ZMIZ1: variants seen among roughly 807,000 people sequenced by gnomAD.
The protein encoded by ZMIZ1 is zinc finger MIZ-type containing 1.
Under a neutral mutation model 113.9 loss-of-function variants are expected in ZMIZ1, and 17 were observed. The ratio of observed to expected loss-of-function variants is 0.15; its 90% CI spans 0.10 to 0.22. ZMIZ1 has a LOEUF of 0.22. ZMIZ1 is among the 10% of genes least tolerant of loss of function. The pLI, the probability that ZMIZ1 is intolerant of heterozygous loss-of-function variation, is 1.00. For synonymous variants in ZMIZ1, 607 were observed against 603.1 expected (o/e 1.01, Z -0.09); for missense variants, 1,059 against 1,477.8 (o/e 0.72, Z 4.65).
At chr10:79,242,827 C>T (rs1356187425) in intron 7 of ZMIZ1, among the ~76,000 whole-genome samples, 1 of 152,138 alleles carries the variant, frequency 6.6e-6, no homozygotes, top group Non-Finnish European at 1.5e-5. Context: ...TGGAGTGCTG[C>T]TCGTCGGGTC....
chr10:79,303,007 G>A (rs914739664), intron 18 of ZMIZ1, among the ~76,000 whole-genome samples: 6 of 151,844 alleles, frequency 4.0e-5, no homozygotes, highest in East Asian at 3.9e-4. Context: ...GACTACAGGC[G>A]CCCACCACCG....
chr10:79,299,039 C>T lies in ZMIZ1; in HGVS notation c.1667-11C>T. 1 of 1,601,400 alleles carries T rather than the reference C, an allele frequency of 6.2e-7. No individual in the cohort carries two copies. Among genetic ancestry groups the T allele is most frequent in the Non-Finnish European group, 8.5e-7 (1 of 1,173,830 alleles). On this transcript the variant is annotated splice_polypyrimidine_tract_variant and intron_variant, in intron 15 of 24. Coordinates refer to ENST00000334512, the MANE Select transcript of ZMIZ1 (RefSeq NM_020338.4). The stretch of plus-strand genomic sequence containing the variant: ...GGCTTGTGGCTCACCCACCTCCTCT[C>T]CTCGCCCCAGCCAACCACAATGACG...
chr10:79,129,582 G>A (rs1274584282), intron 2 of ZMIZ1, among the ~76,000 whole-genome samples: 1 of 152,190 alleles, frequency 6.6e-6, no homozygotes, highest in Non-Finnish European at 1.5e-5. Context: ...CTGCCAGCAG[G>A]AGGGGCATGA....
chr10:79,295,473 T>G (rs1853825834), intron 12 of ZMIZ1: 1 of 152,214 alleles, frequency 6.6e-6, no homozygotes, highest in Non-Finnish European at 1.5e-5. Context: ...AATATTTGAA[T>G]TGTTGGAGCC....
At chr10:79,266,706 C>G (rs72818245) in intron 7 of ZMIZ1, among the ~76,000 whole-genome samples, 122 of 152,314 alleles carry the variant, frequency 8.0e-4, no homozygotes, top group Non-Finnish European at 1.2e-3. Context: ...TCATGTGCTT[C>G]CTGTGCTATT....
intron 4 of ZMIZ1, among the ~76,000 whole-genome samples, chr10:79,184,431 T>A (rs768135521): frequency 6.6e-6 from 1 of 152,160 alleles, no homozygotes; most frequent in Non-Finnish European, 1.5e-5. Context: ...ATTCCCTCTA[T>A]TGAGGGATAA....
intron 1 of ZMIZ1, among the ~76,000 whole-genome samples, chr10:79,108,972 G>A (rs1257715384): frequency 6.6e-6 from 1 of 152,050 alleles, no homozygotes; most frequent in Non-Finnish European, 1.5e-5. Context: ...GTGTGCACCT[G>A]AGGCTGTCCA....
At chr10:79,273,913 C>T (rs1476081379) in intron 7 of ZMIZ1, among the ~76,000 whole-genome samples, 1 of 152,378 alleles carries the variant, frequency 6.6e-6, no homozygotes, top group East Asian at 1.9e-4. Context: ...AATCGTCACC[C>T]GTCTGTGGGA....
At chr10:79,270,711 A>G (rs535996276) in intron 7 of ZMIZ1, among the ~76,000 whole-genome samples, 1 of 151,160 alleles carries the variant, frequency 6.6e-6, no homozygotes, top group Non-Finnish European at 1.5e-5. Flanking sequence ...GCTGAGGTCA[A>G]CTCTCCCTTC....
intron 8 of ZMIZ1, among the ~76,000 whole-genome samples, chr10:79,278,468 C>T (rs921414230): frequency 6.7e-6 from 1 of 149,104 alleles, no homozygotes; most frequent in Non-Finnish European, 1.5e-5. Context: ...ATTGATCATT[C>T]TTGGGTGTTT....
At chr10:79,075,302 G>A (rs1429338794) in intron 1 of ZMIZ1, among the ~76,000 whole-genome samples, 1 of 152,228 alleles carries the variant, frequency 6.6e-6, no homozygotes, top group African/African-American at 2.4e-5. Context: ...GGCCCACAGA[G>A]GGACAGAGAC....
chr10:79,124,020 G>C (rs1844413290), intron 2 of ZMIZ1, among the ~76,000 whole-genome samples: 1 of 152,238 alleles, frequency 6.6e-6, no homozygotes, highest in Non-Finnish European at 1.5e-5. Context: ...AGCCTGCTAT[G>C]ACTCCACAAC....
intron 4 of ZMIZ1, among the ~76,000 whole-genome samples, chr10:79,184,327 G>A (rs1392382446): frequency 6.6e-6 from 1 of 152,202 alleles, no homozygotes. Flanking sequence ...TGTGAGCTGT[G>A]AGCGTGAGAA....
At chr10:79,221,676 G>C (rs1313018440) in intron 7 of ZMIZ1, among the ~76,000 whole-genome samples, 1 of 152,230 alleles carries the variant, frequency 6.6e-6, no homozygotes, top group Admixed American at 6.5e-5. Context: ...CCATGTCGAG[G>C]TCCCCAAGAG....
chr10:79,088,936 A>G (rs779363638), intron 1 of ZMIZ1, among the ~76,000 whole-genome samples: 1 of 152,198 alleles, frequency 6.6e-6, no homozygotes, highest in African/African-American at 2.4e-5. Flanking sequence ...CATTTTGCAG[A>G]GGAGGAAGCT....
intron 8 of ZMIZ1, among the ~76,000 whole-genome samples, chr10:79,286,449 T>C (rs1316592796): frequency 3.9e-5 from 6 of 152,202 alleles, no homozygotes; most frequent in African/African-American, 1.4e-4. Context: ...GTCCTGTCGG[T>C]GCGGCTGCCA....
At chr10:79,276,172 C>T (rs919350431) in intron 7 of ZMIZ1, among the ~76,000 whole-genome samples, 3 of 152,296 alleles carry the variant, frequency 2.0e-5, no homozygotes, top group Middle Eastern at 3.4e-3. Flanking sequence ...GGCATTACTC[C>T]TTTTTACCTC....
intron 7 of ZMIZ1, among the ~76,000 whole-genome samples, chr10:79,231,372 C>T (rs914712963): frequency 1.3e-5 from 2 of 152,148 alleles, no homozygotes; most frequent in African/African-American, 4.8e-5. Flanking sequence ...CTCAGCCTCC[C>T]CAACAGCTGG....
At chr10:79,075,585 A>C (rs72816223) in intron 1 of ZMIZ1, among the ~76,000 whole-genome samples, 6 of 41,326 alleles carry the variant, frequency 1.5e-4, no homozygotes, top group Admixed American at 6.1e-4. Flanking sequence ...ACATGCACAC[A>C]TGCACACCTG....
Sources: gnomAD v4.1 joint callset for allele counts (sites outside exome capture counted in the v4.1 genomes callset) on GRCh38, gnomAD v4.1.1 for gene constraint, MANE v1.5 for transcripts, NCBI Gene and HGNC (gene_info 2026-07-23, HGNC 2026-07-21) for gene names.